The following AKIRIN1 variants were observed in gnomAD, a reference collection of about 807,000 sequenced individuals.
AKIRIN1 encodes the protein akirin 1.
AKIRIN1 carries 4 observed loss-of-function variants against 25.9 expected under a neutral mutation model. The observed-to-expected ratio is 0.15, with a 90% CI of 0.08 to 0.35. The LOEUF (loss-of-function observed/expected upper bound fraction) is 0.35. AKIRIN1 is among the 10% of genes least tolerant of loss of function. The pLI, the probability that AKIRIN1 is intolerant of heterozygous loss-of-function variation, is 1.00. For missense variants in AKIRIN1, 243 were observed against 266.1 expected (o/e 0.91, Z 0.61); for synonymous variants, 125 against 105.1 (o/e 1.19, Z -1.16).
Position 39,005,347 on chromosome 1 carries a change from G to A in AKIRIN1, c.*1292G>A, listed in dbSNP as rs184048395. 3.3e-5 allele frequency: 5 copies of A among 151,620 alleles called. No individual in the cohort carries two copies. The highest frequency in any genetic ancestry group is 2.1e-4 in the South Asian group (1 of 4,806). 9.4% of individuals were successfully genotyped at this position (151,620 alleles called of 1,614,324 possible). A position where few individuals can be genotyped will look rare whatever the true frequency, so the allele number is the denominator to read the frequency against. ...AACATAGAATTTGGATCCTTTGGTC[G>A]GGTTCTCCCAAATTCTTTTGAGGTG... On this transcript the variant is annotated 3_prime_UTR_variant, in exon 5 of 5. Coordinates refer to ENST00000432648, the MANE Select transcript of AKIRIN1 (RefSeq NM_024595.3).
intron 1 of AKIRIN1, among the ~76,000 whole-genome samples, chr1:38,995,815 C>T (rs1447173938): frequency 1.3e-5 from 2 of 152,142 alleles, no homozygotes; most frequent in Non-Finnish European, 2.9e-5. Flanking sequence ...GGCGGATCAG[C>T]TGAGGTCAGG....
chr1:38,998,439 A>G, intron 2 of AKIRIN1, 128 bp downstream of exon 2: 1 of 1,116,796 alleles, frequency 9.0e-7, no homozygotes, highest in Non-Finnish European at 1.2e-6. Flanking sequence ...ATTTACAGAT[A>G]TTTTTAAAAC....
At position 39,005,724 on chromosome 1, in the gene AKIRIN1, G is replaced by C. The variant is rs1207211155; in HGVS notation, c.*1669G>C. The C allele has an allele frequency of 6.6e-6, 1 of 152,166 alleles. No homozygotes were observed. The highest frequency in any genetic ancestry group is 2.4e-5 in the African/African-American group (1 of 41,430). 9.4% of individuals were successfully genotyped at this position (152,166 alleles called of 1,614,324 possible). ...TATTCAGAGACAGTTGTTGTGATCA[G>C]ATGGCTTAGAGAAATTTCTGGAATA... On this transcript the variant is annotated 3_prime_UTR_variant, in exon 5 of 5. Transcript: ENST00000432648.
At chr1:38,991,750 G>A (rs1643907850) in intron 1 of AKIRIN1, 150 bp downstream of exon 1, 1 of 947,766 alleles carries the variant, frequency 1.1e-6, no homozygotes, top group African/African-American at 1.7e-5. Flanking sequence ...GCTGGGCCTG[G>A]TTGCTTCCGG....
intron 1 of AKIRIN1, among the ~76,000 whole-genome samples, chr1:38,995,553 C>A (rs139468942): frequency 1.3e-5 from 2 of 152,316 alleles, no homozygotes; most frequent in East Asian, 3.9e-4. Context: ...TGTTTAGATT[C>A]TTGGACTTCT....
intron 3 of AKIRIN1, among the ~76,000 whole-genome samples, chr1:39,002,653 C>T (rs190146581): frequency 6.6e-6 from 1 of 152,032 alleles, no homozygotes; most frequent in Admixed American, 6.6e-5. Flanking sequence ...TGGCGTGAAT[C>T]GGGGAGGCAG....
intron 1 of AKIRIN1, among the ~76,000 whole-genome samples, chr1:38,993,179 A>G (rs1353120416): frequency 6.6e-6 from 1 of 152,228 alleles, no homozygotes; most frequent in East Asian, 1.9e-4. Context: ...TGATGGGTTT[A>G]ATGTAAATGT....
chr1:38,991,600 G>A lies in AKIRIN1; in HGVS notation c.220G>A (p.Glu74Lys). Residue 74 changes from glutamate to lysine, a missense_variant and splice_region_variant, in exon 1 of 5, where the codon GAG becomes AAG. Glu to Lys is a moderately conservative substitution (Grantham distance 56). Coordinates refer to ENST00000432648, the MANE Select transcript of AKIRIN1 (RefSeq NM_024595.3). ...CAGCGAGCGGCGCCTTCCAACTCCG[G>A]GTAACCTGCCCTGCTCTGGGTTTGG... is the stretch of plus-strand genomic sequence containing the variant. Reference protein sequence around the residue: ...PGSERRLPTPEQIFQNIKQEY... With the variant: ...PGSERRLPTPKQIFQNIKQEY... The A allele has an allele frequency of 3.2e-6, 4 of 1,259,382 alleles. No homozygotes were observed. The highest frequency in any genetic ancestry group is 4.0e-6 in the Non-Finnish European group (4 of 997,800). 78.0% of individuals were successfully genotyped at this position (1,259,382 alleles called of 1,614,324 possible).
intron 2 of AKIRIN1, among the ~76,000 whole-genome samples, chr1:38,999,709 A>G (rs1047911424): frequency 2.6e-5 from 4 of 152,200 alleles, no homozygotes; most frequent in Non-Finnish European, 5.9e-5. Flanking sequence ...TTGTAGAGAA[A>G]AAAATATCCT....
intron 1 of AKIRIN1, 139 bp downstream of exon 1, chr1:38,991,739 C>T (rs1010209693): frequency 3.0e-6 from 3 of 1,010,860 alleles, no homozygotes; most frequent in African/African-American, 3.4e-5. Flanking sequence ...ACTGGGATGC[C>T]GCTGGGCCTG....
chr1:38,999,879 T>C (rs1176407375), intron 2 of AKIRIN1, among the ~76,000 whole-genome samples: 1 of 151,954 alleles, frequency 6.6e-6, no homozygotes, highest in African/African-American at 2.4e-5. Context: ...TTTTTGTTTT[T>C]TGTTTTTTGT....
intron 1 of AKIRIN1, among the ~76,000 whole-genome samples, chr1:38,994,692 T>A (rs1643934488): frequency 3.2e-5 from 4 of 125,168 alleles, no homozygotes; most frequent in Non-Finnish European, 6.6e-5. Context: ...TTTTTTTTTT[T>A]TTTTTTTTTT....
chr1:39,000,344 TC>T (rs1643980128), intron 2 of AKIRIN1, among the ~76,000 whole-genome samples: 1 of 119,620 alleles, frequency 8.4e-6, no homozygotes, highest in African/African-American at 2.9e-5. Context: ...TTTTTCTTTT[TC>T]TTTTTTTTTT....
At position 39,001,068 on chromosome 1, in the gene AKIRIN1, G is replaced by T. The variant is rs753878747; in HGVS notation, c.458G>T (p.Arg153Leu). 2.5e-6 allele frequency: 4 copies of T among 1,613,542 alleles called. No individual in the cohort carries two copies. Among genetic ancestry groups the T allele is most frequent in the Non-Finnish European group, 3.4e-6 (4 of 1,179,834 alleles). Residue 153 changes from arginine to leucine, a missense_variant, in exon 3 of 5, where the codon CGG becomes CTG. Transcript: ENST00000432648. ...TTAAAAGACTATGAAGATAAAATTC[G>T]GGAGGAGTATGAGCAAATCCTCAAT... Reference protein sequence around the residue: ...RLLKDYEDKIREEYEQILNTK... With the variant: ...RLLKDYEDKILEEYEQILNTK...
Position 38,991,466 on chromosome 1 carries a change from C to A in AKIRIN1, c.86C>A (p.Ala29Asp). 7.2e-7 allele frequency: 1 copy of A among 1,392,210 alleles called. No individual in the cohort carries two copies. The allele number at this position is 1,392,210 out of a possible 1,614,324, so 86.2% of individuals were successfully genotyped here. Residue 29 changes from alanine (A) to aspartate (D), a missense_variant, in exon 1 of 5, where the codon GCC (alanine) becomes GAC (aspartate). Ala to Asp is a moderately radical substitution (Grantham distance 126). Around this residue, in one of 3 missense-constraint regions of AKIRIN1, gnomAD observed 190 missense variants for 174.4 expected, o/e 1.09. Coordinates refer to ENST00000432648, the MANE Select transcript of AKIRIN1 (RefSeq NM_024595.3). ...GGCTCCCCGAAGCGGCGGCGCTGCGCCCCTCTGCCCGGCCCCACTCCGGGC... is the reference window on the plus strand; with the variant it reads ...GGCTCCCCGAAGCGGCGGCGCTGCGACCCTCTGCCCGGCCCCACTCCGGGC... ...SPGSPKRRRC[A>D]PLPGPTPGLR...
chr1:38,994,381 C>T (rs1643931310), intron 1 of AKIRIN1, among the ~76,000 whole-genome samples: 1 of 152,166 alleles, frequency 6.6e-6, no homozygotes, highest in South Asian at 2.1e-4. Context: ...AGGTGAATTC[C>T]AGACATGGAA....
chr1:39,000,125 C>T lies in AKIRIN1; in HGVS notation c.362-847C>T, dbSNP rs116039684. On this transcript the variant is annotated intron_variant, in intron 2 of 4. Coordinates refer to ENST00000432648, the MANE Select transcript of AKIRIN1 (RefSeq NM_024595.3). ...TCTCGAACTCCTGACCTCAAGTGAT[C>T]AACCCGTCTTGGCCTCCAAAGTGCT... Among the ~76,000 whole-genome samples the T allele has an allele frequency of 2.2e-3, 334 of 151,928 alleles. 3 individuals are homozygous for T. Among genetic ancestry groups the T allele is most frequent in the African/African-American group, 7.9e-3 (328 of 41,422 alleles).
intron 3 of AKIRIN1, among the ~76,000 whole-genome samples, chr1:39,001,323 A>G (rs920316963): frequency 1.5e-5 from 1 of 67,598 alleles, no homozygotes; most frequent in Middle Eastern, 0.014. Context: ...TTTTGCTCTT[A>G]TTTTCCAGGC....
At chr1:38,999,567 A>G (rs1455119259) in intron 2 of AKIRIN1, among the ~76,000 whole-genome samples, 1 of 152,198 alleles carries the variant, frequency 6.6e-6, no homozygotes, top group Non-Finnish European at 1.5e-5. Context: ...ATACATGATA[A>G]ACCTGTCAGT....
Sources: allele counts gnomAD v4.1 joint callset (sites outside exome capture counted in the v4.1 genomes callset), GRCh38; gene constraint gnomAD v4.1.1; regional missense constraint gnomAD v4.1.1; transcripts MANE v1.5; gene names NCBI Gene and HGNC (gene_info 2026-07-23, HGNC 2026-07-21).